DPYSL5: variants seen among roughly 807,000 people sequenced by gnomAD.
DPYSL5 encodes the protein dihydropyrimidinase-related protein 5.
DPYSL5 carries 9 observed loss-of-function variants against 58.4 expected under a neutral mutation model. That is an observed-to-expected ratio of 0.15 (90% confidence interval 0.09 to 0.27). The LOEUF (loss-of-function observed/expected upper bound fraction) is 0.27, where lower values mean the gene tolerates loss of function less well. DPYSL5 is among the 10% of genes least tolerant of loss of function. The pLI, the probability that DPYSL5 is intolerant of heterozygous loss-of-function variation, is 1.00. For synonymous variants in DPYSL5, 293 were observed against 301.9 expected, an observed-to-expected ratio of 0.97 and a Z score of 0.31; for missense variants, 499 against 770.6, an observed-to-expected ratio of 0.65 and a Z score of 4.17.
At chr2:26,886,186 A>C (rs2148127943) in intron 1 of DPYSL5, among the ~76,000 whole-genome samples, 1 of 152,336 alleles carries the variant, frequency 6.6e-6, no homozygotes, top group Middle Eastern at 3.4e-3. Context: ...GTTTGATTGG[A>C]TGTCGGGAGA....
chr2:26,887,362 C>T (rs1663746364), intron 1 of DPYSL5, among the ~76,000 whole-genome samples: 1 of 152,232 alleles, frequency 6.6e-6, no homozygotes, highest in African/African-American at 2.4e-5. Context: ...CCCCCAGCAT[C>T]CTCCAGCTGA....
In DPYSL5 at chr2:26,866,110, T is replaced by C. The variant is rs531869192; in HGVS notation, c.-5+17856T>C. 2.6e-5 allele frequency among the ~76,000 whole-genome samples: 4 copies of C among 152,194 alleles called. No homozygotes were observed. The East Asian group carries it at 7.7e-4, about 29-fold the overall frequency. On this transcript the variant is annotated intron_variant, in intron 1 of 12. Coordinates refer to ENST00000288699, the MANE Select transcript of DPYSL5 (RefSeq NM_020134.4). The stretch of plus-strand genomic sequence containing the variant: ...TTCAGAGTAAAGGCAGGAAAGAGAA[T>C]GTCTAGGAGTTAAGCCTGGGTTTAG...
intron 2 of DPYSL5, among the ~76,000 whole-genome samples, chr2:26,906,058 T>C (rs560382015): frequency 3.2e-4 from 49 of 152,128 alleles, no homozygotes; most frequent in Non-Finnish European, 6.5e-4. Context: ...TCTCAGTGCC[T>C]GGAGGCTGCC....
intron 1 of DPYSL5, among the ~76,000 whole-genome samples, chr2:26,860,482 C>G (rs1280058612): frequency 6.6e-6 from 1 of 152,196 alleles, no homozygotes; most frequent in African/African-American, 2.4e-5. Context: ...TTGACACTAT[C>G]TATCAAAATT....
At chr2:26,871,391 G>T (rs556836033) in intron 1 of DPYSL5, among the ~76,000 whole-genome samples, 9 of 151,822 alleles carry the variant, frequency 5.9e-5, no homozygotes, top group Non-Finnish European at 1.0e-4. Flanking sequence ...ATCATAAATA[G>T]AAATATTTAC....
In DPYSL5 at chr2:26,934,841, A is replaced by C. The variant is rs1435767495; in HGVS notation, c.947+107A>C. On this transcript the variant is annotated intron_variant, in intron 8 of 12. Transcript: ENST00000288699. The surrounding 1 kb of genome is among the most constrained non-coding windows in gnomAD (Gnocchi z 4.3). ...CTAGGTTTGATTTCATTGTGCCCAT[A>C]GGATCATTGTGCTTTTCTTACCTTC... is the stretch of plus-strand genomic sequence containing the variant. The C allele has an allele frequency of 5.6e-6, 8 of 1,437,040 alleles. No individual in the cohort carries two copies. The highest frequency in any genetic ancestry group is 6.7e-6 in the Non-Finnish European group (7 of 1,052,090). The allele number at this position is 1,437,040 out of a possible 1,614,324, so 89.0% of individuals were successfully genotyped here.
chr2:26,935,421 T>C (rs1665145899), intron 8 of DPYSL5, among the ~76,000 whole-genome samples: 2 of 152,104 alleles, frequency 1.3e-5, no homozygotes, highest in Non-Finnish European at 2.9e-5. Context: ...GGTGCAGTGG[T>C]TCACACCTGT....
chr2:26,875,846 G>A (rs929638088), intron 1 of DPYSL5, among the ~76,000 whole-genome samples: 6 of 152,150 alleles, frequency 3.9e-5, no homozygotes, highest in Non-Finnish European at 7.3e-5. Context: ...CTCCTAGCAA[G>A]AGCAGGTAAA....
chr2:26,936,190 C>T (rs752106390), intron 8 of DPYSL5, among the ~76,000 whole-genome samples: 10 of 152,188 alleles, frequency 6.6e-5, no homozygotes, highest in Non-Finnish European at 1.5e-4. Context: ...ATCCTGCCAA[C>T]CCCTCAGTCT....
chr2:26,915,700 C>T (rs1572704325), intron 2 of DPYSL5, among the ~76,000 whole-genome samples: 1 of 152,164 alleles, frequency 6.6e-6, no homozygotes, highest in South Asian at 2.1e-4. Flanking sequence ...CTCACCTTGG[C>T]TCAGACCAAC....
chr2:26,884,386 C>T (rs970624873), intron 1 of DPYSL5, among the ~76,000 whole-genome samples: 2 of 152,178 alleles, frequency 1.3e-5, no homozygotes, highest in African/African-American at 4.8e-5. Context: ...AATGAAGCCT[C>T]CTGGCCTCAG....
chr2:26,864,847 CCT>C (rs1666102457), intron 1 of DPYSL5, among the ~76,000 whole-genome samples: 2 of 152,238 alleles, frequency 1.3e-5, no homozygotes, highest in South Asian at 4.2e-4. Context: ...TCCGTACTCC[CCT>C]GTTTCCACCT....
intron 1 of DPYSL5, among the ~76,000 whole-genome samples, chr2:26,896,975 G>T (rs1251397485): frequency 6.6e-6 from 1 of 152,138 alleles, no homozygotes; most frequent in Non-Finnish European, 1.5e-5. Context: ...GGTGACACCA[G>T]GTGTGCATTG....
intron 9 of DPYSL5, 51 bp from the exon 10 acceptor site, chr2:26,941,899 G>C (rs766178174): frequency 5.0e-6 from 8 of 1,611,884 alleles, no homozygotes; most frequent in Non-Finnish European, 6.8e-6. Flanking sequence ...CCAAGGGTTT[G>C]AGACCCACCC....
intron 1 of DPYSL5, among the ~76,000 whole-genome samples, chr2:26,882,323 G>A (rs1446860090): frequency 6.6e-6 from 1 of 151,986 alleles, no homozygotes; most frequent in African/African-American, 2.4e-5. Flanking sequence ...ACAGCTCACT[G>A]CAGTCCCGAC....
chr2:26,939,864 A>T, intron 8 of DPYSL5, 167 bp from the exon 9 acceptor site: 1 of 782,960 alleles, frequency 1.3e-6, no homozygotes, highest in Non-Finnish European at 2.0e-6. Context: ...ACTGAGGTTC[A>T]CATAGATGCA....
Position 26,949,141 on chromosome 2 carries a change from G to A in DPYSL5, c.*2146G>A, listed in dbSNP as rs966182996. 1 of 152,222 alleles carries A rather than the reference G, an allele frequency of 6.6e-6. No individual in the cohort carries two copies. The highest frequency in any genetic ancestry group is 6.5e-5 in the Admixed American group (1 of 15,284). The allele number at this position is 152,222 out of a possible 1,614,324, so 9.4% of individuals were successfully genotyped here. On this transcript the variant is annotated 3_prime_UTR_variant, in exon 13 of 13. Coordinates refer to ENST00000288699, the MANE Select transcript of DPYSL5 (RefSeq NM_020134.4). ...TCCCACCTGAGAGTTTAACCAATGA[G>A]AAGACTTACTTTCCTGGTAGGCAGC...
intron 6 of DPYSL5, 78 bp downstream of exon 6, chr2:26,931,762 C>A: frequency 6.6e-7 from 1 of 1,516,052 alleles, no homozygotes; most frequent in Non-Finnish European, 9.1e-7. Flanking sequence ...AATCCCAGCA[C>A]TTTGGGAGGC....
intron 1 of DPYSL5, among the ~76,000 whole-genome samples, chr2:26,880,716 T>C (rs895665788): frequency 1.3e-5 from 2 of 152,212 alleles, no homozygotes; most frequent in African/African-American, 4.8e-5. Flanking sequence ...CAGAACTCTC[T>C]TTTGAGAAGA....
Sources: allele counts gnomAD v4.1 joint callset (sites outside exome capture counted in the v4.1 genomes callset), GRCh38; gene constraint gnomAD v4.1.1; non-coding constraint Gnocchi (gnomAD v3.1); transcripts MANE v1.5; gene names NCBI Gene and HGNC (gene_info 2026-07-23, HGNC 2026-07-21).